NAGA: variants seen among roughly 807,000 people sequenced by gnomAD.
NAGA encodes alpha-N-acetylgalactosaminidase, also known as Acetylgalactosaminidase, alpha-N- (alpha-galactosidase B).
A neutral mutation model predicts 45.6 loss-of-function variants in NAGA; 42 were observed. The observed-to-expected ratio is 0.92, with a 90% CI of 0.72 to 1.19. The LOEUF is 1.19. Among genes scored for constraint, NAGA ranks in the 50% most tolerant of loss-of-function variants. The pLI is 0.00. For missense variants in NAGA, 493 were observed against 544.8 expected (o/e 0.90, Z 0.95); for synonymous variants, 176 against 203.1 (o/e 0.87, Z 1.13).
rs1170409651 is a variant in NAGA, at chr22:42,068,579, G to C, written c.17-5C>G. The C allele has an allele frequency of 1.2e-6, 2 of 1,614,006 alleles. No individual in the cohort carries two copies. Among genetic ancestry groups the C allele is most frequent in the East Asian group, 4.5e-5 (2 of 44,880 alleles). ...CCACATGTCCCAGCAAGAGCACTAG[G>C]GGGCAAGGGAGGAGGGGATGGTGAC... is the stretch of plus-strand genomic sequence containing the variant. On this transcript the variant is annotated splice_region_variant and splice_polypyrimidine_tract_variant and intron_variant, in intron 1 of 8. Transcript: ENST00000396398.
rs778644845 is a variant in NAGA, at chr22:42,062,931, C to A, written c.853G>T (p.Asp285Tyr). Reference sequence around the variant, plus strand: ...TTCTGGGCGGAGATGGTACGCAGGTCTGTGGACATCAAGAGGGGGGCTGCC... The same window carrying A: ...TTCTGGGCGGAGATGGTACGCAGGTATGTGGACATCAAGAGGGGGGCTGCC... ...VLAAPLLMSTDLRTISAQNMD... is the reference protein window; with the variant it reads ...VLAAPLLMSTYLRTISAQNMD... The change falls in exon 7 of 9, where the codon GAC (aspartate) becomes TAC (tyrosine). Residue 285 changes from aspartate to tyrosine, a missense_variant. Transcript: ENST00000396398. The A allele has an allele frequency of 6.2e-7, 1 of 1,614,170 alleles. No homozygotes were observed. The highest frequency in any genetic ancestry group is 8.5e-7 in the Non-Finnish European group (1 of 1,180,036).
chr22:42,066,717 G>A lies in NAGA; in HGVS notation c.590C>T (p.Pro197Leu). The change falls in exon 5 of 9, where the codon CCC becomes CTC. Residue 197 changes from proline to leucine, a missense_variant. Physicochemically the swap from Pro to Leu is moderately conservative, Grantham distance 98. Coordinates refer to ENST00000396398, the MANE Select transcript of NAGA (RefSeq NM_000262.3). ...CSWPAYEGGL[P>L]PRVNYSLLAD... ...GGGGGCAGAATGGCTTACCCTTGGG[G>A]GGAGGCCGCCTTCATAGGCTGGCCA... The A allele has an allele frequency of 2.5e-6, 4 of 1,599,234 alleles. No individual in the cohort carries two copies. The highest frequency in any genetic ancestry group is 3.4e-6 in the Non-Finnish European group (4 of 1,173,264).
rs372733477 is a variant in NAGA at position 42,064,120 on chromosome 22, C to A, written c.760-1096G>T. Among the ~76,000 whole-genome samples, 371 of 151,934 alleles carry A rather than the reference C, an allele frequency of 2.4e-3. 1 individual carries two copies. Among genetic ancestry groups the A allele is most frequent in the African/African-American group, 8.6e-3 (355 of 41,396 alleles). ...CTTTGGGAGGCTGAGGAGGGCAGAT[C>A]ACCTGAGGTCAGGAGTTCGAAACCA... On this transcript the variant is annotated intron_variant, in intron 6 of 8. Coordinates refer to ENST00000396398, the MANE Select transcript of NAGA (RefSeq NM_000262.3).
At chr22:42,060,553 G>C (rs952659671) in intron 8 of NAGA, 140 bp from the exon 9 acceptor site, 6 of 1,222,800 alleles carry the variant, frequency 4.9e-6, no homozygotes, top group Non-Finnish European at 7.0e-6. Context: ...AGAAGTGGGA[G>C]CCCTGAATCC....
At chr22:42,066,984 C>T in intron 4 of NAGA, 129 bp downstream of exon 4, 1 of 1,476,604 alleles carries the variant, frequency 6.8e-7, no homozygotes, top group Non-Finnish European at 9.4e-7. Context: ...ATTTAGGGAG[C>T]CTGGGAGCCA....
rs1406370588 is a variant in NAGA at position 42,062,892 on chromosome 22, G to A, written c.892C>T (p.Gln298Ter). The A allele has an allele frequency of 2.5e-6, 4 of 1,614,170 alleles. No homozygotes were observed. The highest frequency in any genetic ancestry group is 2.2e-5 in the South Asian group (2 of 91,086). The change falls in exon 7 of 9, where the codon CAG (glutamine) becomes TAG (stop). Residue 298 changes from glutamine (Q) to a stop codon, truncating the protein, a stop_gained. Transcript: ENST00000396398. LOFTEE classifies it high-confidence loss of function. ...TTGATTTTGATCATGAGTGGATTCT[G>A]CAGAATGTCCATGTTCTGGGCGGAG... ...TISAQNMDILQNPLMIKINQD... is the reference protein window; with the variant it reads ...TISAQNMDIL
chr22:42,067,052 G>C (rs1366591751), intron 4 of NAGA, 61 bp downstream of exon 4: 2 of 1,605,412 alleles, frequency 1.2e-6, no homozygotes, highest in East Asian at 4.5e-5. Context: ...TGGGCGCTGG[G>C]TGGGTCTCCA....
At position 42,062,837 on chromosome 22, in the gene NAGA, C is replaced by T. The variant is rs978849446; in HGVS notation, c.947G>A (p.Arg316Lys). ...TCCACACCCTAGTACCTTGTGAATC[C>T]TGCGTCCCTGGATGCCTAAGGGATC... The part of the protein sequence containing the change: ...NQDPLGIQGR[R>K]IHKEKSLIEV... The change falls in exon 7 of 9, where the codon AGG (arginine) becomes AAG (lysine). Residue 316 changes from arginine (R) to lysine (K), a missense_variant. Arg to Lys is a conservative substitution (Grantham distance 26, BLOSUM62 2). Transcript: ENST00000396398. 3.1e-6 allele frequency: 5 copies of T among 1,614,042 alleles called. No individual in the cohort carries two copies. The highest frequency in any genetic ancestry group is 4.2e-6 in the Non-Finnish European group (5 of 1,179,924).
intron 7 of NAGA, among the ~76,000 whole-genome samples, chr22:42,062,366 T>C (rs1926455954): frequency 6.6e-6 from 1 of 152,154 alleles, no homozygotes; most frequent in South Asian, 2.1e-4. Context: ...CTCAGGAGGC[T>C]GAGGCACGAG....
At chr22:42,068,602 G>A (rs1926882164) in intron 1 of NAGA, 28 bp from the exon 2 acceptor site, 2 of 1,613,280 alleles carry the variant, frequency 1.2e-6, no homozygotes, top group Non-Finnish European at 8.5e-7. Context: ...AGGGGATGGT[G>A]ACTATCAGTT....
chr22:42,062,678 A>G, intron 7 of NAGA, 149 bp downstream of exon 7: 2 of 864,052 alleles, frequency 2.3e-6, no homozygotes, highest in South Asian at 1.4e-5. Context: ...AGAGTCCTCA[A>G]CCATAAGCAA....
In NAGA at chr22:42,059,856, T is replaced by G. The variant is rs1343049264; in HGVS notation, c.*423A>C. 1 of 242,784 alleles carries G rather than the reference T, an allele frequency of 4.1e-6. No homozygotes were observed. The highest frequency in any genetic ancestry group is 8.4e-6 in the Non-Finnish European group (1 of 119,260). 15.0% of individuals were successfully genotyped at this position (242,784 alleles called of 1,614,324 possible). ...GGTGGTATCAGGCTGCAAGGCCCTC[T>G]ATGGGTAGAAAAGCCAATCACATGA... On this transcript the variant is annotated 3_prime_UTR_variant, in exon 9 of 9. Coordinates refer to ENST00000396398, the MANE Select transcript of NAGA (RefSeq NM_000262.3).
At chr22:42,070,169 TA>T in intron 1 of NAGA, 112 bp downstream of exon 1, 1 of 1,244,670 alleles carries the variant, frequency 8.0e-7, no homozygotes, top group Non-Finnish European at 1.2e-6. Flanking sequence ...CAGCTCTAAG[TA>T]AAAGAGAGAG....
intron 5 of NAGA, among the ~76,000 whole-genome samples, 199 bp from the exon 6 acceptor site, chr22:42,066,098 T>C (rs1220631597): frequency 6.6e-6 from 1 of 152,154 alleles, no homozygotes; most frequent in African/African-American, 2.4e-5. Context: ...CTCCCTTCTG[T>C]GCATGCTGGT....
At chr22:42,062,046 T>C (rs2146836415) in intron 7 of NAGA, among the ~76,000 whole-genome samples, 1 of 151,878 alleles carries the variant, frequency 6.6e-6, no homozygotes, top group African/African-American at 2.4e-5. Context: ...ACTCAGACTC[T>C]CGAAGTTTCA....
intron 1 of NAGA, among the ~76,000 whole-genome samples, chr22:42,069,185 C>T (rs1005507646): frequency 6.6e-6 from 1 of 152,202 alleles, no homozygotes; most frequent in Non-Finnish European, 1.5e-5. Flanking sequence ...GAGCTGAGAT[C>T]GTGCCACTGA....
intron 1 of NAGA, among the ~76,000 whole-genome samples, chr22:42,069,452 T>C (rs934768573): frequency 6.6e-6 from 1 of 151,620 alleles, no homozygotes; most frequent in Non-Finnish European, 1.5e-5. Flanking sequence ...CTGTCTCTAC[T>C]AAAACTACAA....
intron 6 of NAGA, among the ~76,000 whole-genome samples, chr22:42,064,683 G>A (rs1239998492): frequency 3.3e-5 from 5 of 152,040 alleles, no homozygotes; most frequent in Non-Finnish European, 7.4e-5. Context: ...AAACCCCATG[G>A]GGGTGATGGG....
chr22:42,069,221 G>A (rs1926914231), intron 1 of NAGA, among the ~76,000 whole-genome samples: 7 of 152,266 alleles, frequency 4.6e-5, no homozygotes, highest in Middle Eastern at 6.8e-3. Flanking sequence ...GTGACAGTGC[G>A]AGACCCCATC....
Sources: allele counts gnomAD v4.1 joint callset (sites outside exome capture counted in the v4.1 genomes callset), GRCh38; gene constraint gnomAD v4.1.1; transcripts MANE v1.5; gene names NCBI Gene and HGNC (gene_info 2026-07-23, HGNC 2026-07-21).